LRP2: variants seen among roughly 807,000 people sequenced by gnomAD.
LRP2 encodes the protein low-density lipoprotein receptor-related protein 2.
LRP2 carries 172 observed loss-of-function variants against 531.0 expected under a neutral mutation model. The observed-to-expected ratio is 0.32, with a 90% CI of 0.29 to 0.37. LRP2 has a LOEUF of 0.37. Ranked by LOEUF, LRP2 falls within the 10% of genes least tolerant of loss-of-function variation. The probability of loss-of-function intolerance (pLI) is 1.00; values close to 1 mark genes in which losing one functional copy is unlikely to be tolerated. For synonymous variants in LRP2, 1,992 were observed against 2,027.6 expected, an observed-to-expected ratio of 0.98 and a Z score of 0.47; for missense variants, 5,167 against 5,868.3, an observed-to-expected ratio of 0.88 and a Z score of 3.90.
intron 54 of LRP2, among the ~76,000 whole-genome samples, chr2:169,175,640 C>T (rs1443906809): frequency 3.5e-5 from 3 of 85,340 alleles, no homozygotes; most frequent in Non-Finnish European, 9.6e-5. Context: ...TAAATTTCCT[C>T]CACAAAAAAA....
At chr2:169,269,386 G>C (rs1428067795) in intron 16 of LRP2, among the ~76,000 whole-genome samples, 3 of 152,116 alleles carry the variant, frequency 2.0e-5, no homozygotes, top group African/African-American at 7.2e-5. Flanking sequence ...AAACAGCATG[G>C]TACTGGTACC....
chr2:169,314,031 CA>C (rs1684691817), intron 3 of LRP2, among the ~76,000 whole-genome samples: 2 of 152,254 alleles, frequency 1.3e-5, no homozygotes, highest in South Asian at 4.1e-4. Context: ...TTAGGTTCAG[CA>C]AAACTTGGTT....
At position 169,152,881 on chromosome 2, in the gene LRP2, G is replaced by T. The variant is rs148356370; in HGVS notation, c.12379C>A (p.Arg4127Ser). The T allele has an allele frequency of 5.2e-3, 8,448 of 1,614,004 alleles. 24 individuals carry two copies. The highest frequency in any genetic ancestry group is 6.6e-3 in the Non-Finnish European group (7,738 of 1,179,922). The change falls in exon 67 of 79, where the codon CGC (arginine) becomes AGC (serine). Residue 4127 changes from arginine (R) to serine (S), a missense_variant. By Grantham distance (110) the Arg-to-Ser change is moderately radical (BLOSUM62 -1). Around this residue, in one of 6 missense-constraint regions of LRP2, gnomAD observed 564 missense variants for 747.7 expected, o/e 0.75. Coordinates refer to ENST00000649046, the MANE Select transcript of LRP2 (RefSeq NM_004525.3). ...TCAACTTCCTGCACAAGATTATTGC[G>T]GCCGGATTCAAAGTTGGGGATGTAG... ...RAYIPNFESG[R>S]NNLVQEVDLK...
intron 32 of LRP2, among the ~76,000 whole-genome samples, chr2:169,225,986 A>C (rs1215739314): frequency 1.3e-5 from 2 of 152,140 alleles, no homozygotes. Context: ...GCTTTCACTA[A>C]ATTCCCTTAG....
intron 1 of LRP2, among the ~76,000 whole-genome samples, chr2:169,349,421 T>A (rs544895985): frequency 1.5e-4 from 23 of 152,250 alleles, no homozygotes; most frequent in African/African-American, 5.3e-4. Context: ...TGGTGCACTG[T>A]GCATGGGGAG....
Position 169,259,026 on chromosome 2 carries a change from C to T in LRP2, c.2512G>A (p.Gly838Arg), listed in dbSNP as rs374039326. The T allele has an allele frequency of 2.9e-5, 47 of 1,612,912 alleles. No homozygotes were observed. Among genetic ancestry groups the T allele is most frequent in the African/African-American group, 2.7e-5 (2 of 74,784 alleles). ...PRSVVVHPFAGYLFFTDWFRP... is the reference protein window; with the variant it reads ...PRSVVVHPFARYLFFTDWFRP... ...TTAGGAAAACATGAACACACTTACC[C>T]GGCAAAAGGATGAACTACCACCGAC... The change falls in exon 17 of 79, where the codon GGG becomes AGG. Residue 838 changes from glycine (G) to arginine (R), a missense_variant and splice_region_variant. Gly to Arg is a moderately radical substitution (Grantham distance 125). Coordinates refer to ENST00000649046, the MANE Select transcript of LRP2 (RefSeq NM_004525.3).
intron 18 of LRP2, 41 bp from the exon 19 acceptor site, chr2:169,256,277 T>C: frequency 6.3e-7 from 1 of 1,583,226 alleles, no homozygotes; most frequent in Non-Finnish European, 8.7e-7. Context: ...ATCCAAAAAC[T>C]ATCAGAGCAC....
chr2:169,263,360 A>G (rs2105421020), intron 16 of LRP2, among the ~76,000 whole-genome samples: 1 of 152,104 alleles, frequency 6.6e-6, no homozygotes, highest in African/African-American at 2.4e-5. Flanking sequence ...ACAAAGGGCT[A>G]ATATCCAGAA....
At chr2:169,293,884 G>T (rs912911887) in intron 6 of LRP2, among the ~76,000 whole-genome samples, 3 of 151,992 alleles carry the variant, frequency 2.0e-5, no homozygotes, top group African/African-American at 7.3e-5. Context: ...GGAGCCTAAG[G>T]AAAGAAGGCA....
In LRP2 at chr2:169,203,941, C is replaced by A. The variant is rs757957816; in HGVS notation, c.8005+41G>T. The A allele has an allele frequency of 1.9e-6, 3 of 1,604,704 alleles. No homozygotes were observed. The South Asian group carries it at 3.3e-5, about 18-fold the overall frequency. ...TTTCCTTACCAATTGGTATTGTGATCATTATTCTCCATGTTCTAATTTTCA... is the reference window on the plus strand; with the variant it reads ...TTTCCTTACCAATTGGTATTGTGATAATTATTCTCCATGTTCTAATTTTCA... On this transcript the variant is annotated intron_variant, in intron 42 of 78. Transcript: ENST00000649046.
At chr2:169,321,871 C>G (rs1249813126) in intron 1 of LRP2, among the ~76,000 whole-genome samples, 1 of 152,150 alleles carries the variant, frequency 6.6e-6, no homozygotes, top group African/African-American at 2.4e-5. Context: ...AAGCTCACTT[C>G]ACTGAACTAA....
intron 50 of LRP2, chr2:169,182,753 T>G (rs1260043697): frequency 2.8e-6 from 1 of 352,160 alleles, no homozygotes; most frequent in Non-Finnish European, 4.0e-6. Flanking sequence ...CTCTGAATTA[T>G]GACATTCTTA....
rs534730598 is a variant in LRP2, at chr2:169,137,464, C to G, written c.13548G>C (p.Lys4516Asn). The G allele has an allele frequency of 1.8e-5, 29 of 1,613,512 alleles. No individual in the cohort carries two copies. In the Middle Eastern group the frequency reaches 4.9e-4, roughly 28 times the overall value. ...TTGGGTTTTCAAATATTATGGGCTG[C>G]TTCCCCATTTCCATGACAAAGTCTT... ...MSEDFVMEMG[K>N]QPIIFENPMY... is the part of the protein sequence containing the mutation. Residue 4516 changes from lysine (K) to asparagine (N), a missense_variant, in exon 76 of 79, where the codon AAG becomes AAC. Lys to Asn is a moderately conservative substitution (Grantham distance 94). Around this residue, in one of 6 missense-constraint regions of LRP2, gnomAD observed 348 missense variants for 369.3 expected, o/e 0.94. Transcript: ENST00000649046.
Position 169,177,866 on chromosome 2 carries a change from GTGTC to G in LRP2, c.10326_10329del (p.Gln3442HisfsTer3). 6.2e-7 allele frequency: 1 copy of G among 1,614,226 alleles called. No homozygotes were observed. Among genetic ancestry groups the G allele is most frequent in the Non-Finnish European group, 8.5e-7 (1 of 1,180,044 alleles). ...AATGGTCTGTGTGTTGTGTTCACCA[GTGTC>G]TGTCTATTTGATCCATCATATTTGT... On this transcript the variant is annotated frameshift_variant, in exon 53 of 79. Transcript: ENST00000649046. LOFTEE classifies it high-confidence loss of function.
chr2:169,300,259 A>G (rs1468983308), intron 4 of LRP2, among the ~76,000 whole-genome samples: 1 of 152,128 alleles, frequency 6.6e-6, no homozygotes, highest in Non-Finnish European at 1.5e-5. Context: ...CAATGGGAAA[A>G]AAAACTTGCA....
chr2:169,358,199 A>G (rs1439865238), intron 1 of LRP2, among the ~76,000 whole-genome samples: 1 of 152,242 alleles, frequency 6.6e-6, no homozygotes, highest in African/African-American at 2.4e-5. Flanking sequence ...GGCTGGGGAC[A>G]TTCAGAAGGC....
At chr2:169,187,889 G>T in intron 49 of LRP2, 81 bp downstream of exon 49, 4 of 1,434,428 alleles carry the variant, frequency 2.8e-6, no homozygotes, top group Non-Finnish European at 3.9e-6. Flanking sequence ...AGGACAGGTT[G>T]GAAAGTCTAA....
At chr2:169,337,322 A>C (rs1264935219) in intron 1 of LRP2, among the ~76,000 whole-genome samples, 1 of 152,172 alleles carries the variant, frequency 6.6e-6, no homozygotes, top group Non-Finnish European at 1.5e-5. Flanking sequence ...AGCAGATTGT[A>C]GGGGAACAGA....
intron 70 of LRP2, 112 bp downstream of exon 70, chr2:169,145,635 A>C: frequency 9.5e-7 from 1 of 1,047,186 alleles, no homozygotes; most frequent in Non-Finnish European, 1.5e-6. Context: ...CCTTTCATGC[A>C]CCAAGAGATT....
Sources: allele counts gnomAD v4.1 joint callset (sites outside exome capture counted in the v4.1 genomes callset), GRCh38; gene constraint gnomAD v4.1.1; regional missense constraint gnomAD v4.1.1; transcripts MANE v1.5; gene names NCBI Gene and HGNC (gene_info 2026-07-23, HGNC 2026-07-21).